Variants in FHDC1 observed in about 807,000 individuals in gnomAD.
FHDC1 encodes the protein FH2 domain-containing protein 1.
A neutral mutation model predicts 52.6 loss-of-function variants in FHDC1; 25 were observed. The ratio of observed to expected loss-of-function variants is 0.48; its 90% CI spans 0.35 to 0.66. The LOEUF (loss-of-function observed/expected upper bound fraction) is 0.66, where lower values mean the gene tolerates loss of function less well. Among genes scored for constraint, FHDC1 ranks in the 30% least tolerant of loss-of-function variants. The pLI, the probability that FHDC1 is intolerant of heterozygous loss-of-function variation, is 0.01. For synonymous variants in FHDC1, 616 were observed against 581.5 expected, an observed-to-expected ratio of 1.06 and a Z score of -0.85; for missense variants, 1,459 against 1,452.8, an observed-to-expected ratio of 1.00 and a Z score of -0.07.
the FHDC1 span, chr4:152,927,412 C>T: frequency 3.2e-5 from 25 of 779,784 alleles, no homozygotes; most frequent in Non-Finnish European, 5.5e-5. Flanking sequence ...GTTTATTTTG[C>T]CGGGACTCTA....
At position 152,976,967 on chromosome 4, in the gene FHDC1, C is replaced by A; in HGVS notation, c.*244C>A. 2.8e-6 allele frequency: 1 copy of A among 351,004 alleles called. No individual in the cohort carries two copies. 21.7% of individuals were successfully genotyped at this position (351,004 alleles called of 1,614,324 possible). ...CACTACTGTGACGGCCGCACCTCCC[C>A]CATGCACCCCACCCTCCCCCAAAGC... On this transcript the variant is annotated 3_prime_UTR_variant, in exon 12 of 12. Coordinates refer to ENST00000511601, the MANE Select transcript of FHDC1 (RefSeq NM_001371116.1).
intron 9 of FHDC1, among the ~76,000 whole-genome samples, chr4:152,965,390 G>A (rs1458839735): frequency 6.6e-6 from 1 of 152,128 alleles, no homozygotes; most frequent in Non-Finnish European, 1.5e-5. Flanking sequence ...TGCATTAAAA[G>A]AGTTTGTAAC....
At position 152,975,070 on chromosome 4, in the gene FHDC1, C is replaced by A. The variant is rs776695005; in HGVS notation, c.1779C>A (p.His593Gln). 1.2e-6 allele frequency: 2 copies of A among 1,612,306 alleles called. No individual in the cohort carries two copies. The highest frequency in any genetic ancestry group is 1.7e-6 in the Non-Finnish European group (2 of 1,179,688). Residue 593 changes from histidine (H) to glutamine (Q), a missense_variant, in exon 12 of 12, where the codon CAC becomes CAA. Physicochemically the swap from His to Gln is conservative, Grantham distance 24. Around this residue, in one of 3 missense-constraint regions of FHDC1, gnomAD observed 939 missense variants for 854.5 expected, o/e 1.10. Transcript: ENST00000511601. ...GCCTGGAGCCTGCAGAAGTGAGGCACCAGGACTCCAGCTTTGCACACAAAC... is the reference window on the plus strand; with the variant it reads ...GCCTGGAGCCTGCAGAAGTGAGGCAACAGGACTCCAGCTTTGCACACAAAC... The part of the protein sequence containing the change: ...IACLEPAEVR[H>Q]QDSSFAHKPQ...
chr4:152,978,212 CTG>C lies in FHDC1; in HGVS notation c.*1490_*1491del, dbSNP rs1740959697. The C allele has an allele frequency of 1.3e-5, 2 of 152,220 alleles. No homozygotes were observed. The highest frequency in any genetic ancestry group is 4.8e-5 in the African/African-American group (2 of 41,438). 9.4% of individuals were successfully genotyped at this position (152,220 alleles called of 1,614,324 possible). A position where few individuals can be genotyped will look rare whatever the true frequency, so the allele number is the denominator to read the frequency against. ...CTCCATTCGTGTGTCTGTTATAAAACTGAGTGAAGGCTGCTATGACCTGTGTT... is the reference window on the plus strand; with the variant it reads ...CTCCATTCGTGTGTCTGTTATAAAACAGTGAAGGCTGCTATGACCTGTGTT... On this transcript the variant is annotated 3_prime_UTR_variant, in exon 12 of 12. Coordinates refer to ENST00000511601, the MANE Select transcript of FHDC1 (RefSeq NM_001371116.1).
intron 4 of FHDC1, among the ~76,000 whole-genome samples, chr4:152,957,917 A>G (rs1338811824): frequency 2.0e-5 from 3 of 150,458 alleles, no homozygotes; most frequent in East Asian, 3.9e-4. Context: ...CAAGCCAGGG[A>G]ACACCCCCAC....
At chr4:152,925,288 G>A in the FHDC1 span, among the ~76,000 whole-genome samples, 5 of 152,082 alleles carry the variant, frequency 3.3e-5, no homozygotes, top group African/African-American at 7.2e-5. Context: ...ACACATAAAT[G>A]CGTAGATGTA....
rs996676675 is a variant in FHDC1 at position 152,943,051 on chromosome 4, C to T, written c.-7C>T. 10 of 1,604,510 alleles carry T rather than the reference C, an allele frequency of 6.2e-6. No homozygotes were observed. Among genetic ancestry groups the T allele is most frequent in the Non-Finnish European group, 7.7e-6 (9 of 1,174,326 alleles). ...AAGAAATTATCTCCATAGGAGGCAA[C>T]AGTACTATGCATGTTATGAATTGTG... is the stretch of plus-strand genomic sequence containing the variant. On this transcript the variant is annotated 5_prime_UTR_variant, in exon 2 of 12. It introduces an in-frame stop codon into an upstream open reading frame of the 5' UTR. Transcript: ENST00000511601.
At chr4:152,925,084 C>T in the FHDC1 span, among the ~76,000 whole-genome samples, 1 of 151,338 alleles carries the variant, frequency 6.6e-6, no homozygotes, top group Non-Finnish European at 1.5e-5. Context: ...GGAGCCGTTT[C>T]TAATTTCTAG....
chr4:152,972,225 C>T, intron 10 of FHDC1, 152 bp from the exon 11 acceptor site: 1 of 703,496 alleles, frequency 1.4e-6, no homozygotes, highest in Non-Finnish European at 2.2e-6. Context: ...TTCCTTTTGG[C>T]TCTGATTGCA....
In FHDC1 at chr4:152,975,443, A is replaced by C. The variant is rs747653331; in HGVS notation, c.2152A>C (p.Ser718Arg). The C allele has an allele frequency of 6.2e-7, 1 of 1,613,306 alleles. No homozygotes were observed. Among genetic ancestry groups the C allele is most frequent in the East Asian group, 2.2e-5 (1 of 44,884 alleles). ...GGGGCATAGGGGCCCGCAGTCCCTC[A>C]GTGCCAGCAGCAGCAGCCTGACACC... is the stretch of plus-strand genomic sequence containing the variant. ...SVGHRGPQSL[S>R]ASSSSLTPMG... is the part of the protein sequence containing the mutation. The change falls in exon 12 of 12, where the codon AGT (serine) becomes CGT (arginine). Residue 718 changes from serine (S) to arginine (R), a missense_variant. This residue lies in a region of FHDC1 where 939 missense variants were observed against 854.5 expected (regional missense o/e 1.10). Coordinates refer to ENST00000511601, the MANE Select transcript of FHDC1 (RefSeq NM_001371116.1).
chr4:152,968,037 A>G lies in FHDC1; in HGVS notation c.1158A>G (p.Ser386=). The G allele has an allele frequency of 6.2e-7, 1 of 1,614,026 alleles. No homozygotes were observed. The highest frequency in any genetic ancestry group is 2.2e-5 in the East Asian group (1 of 44,868). ...ELHLLFVRTK[S]LKENIQRDGE... ...ACTTGCTGTTTGTCAGGACAAAATCACTAAAAGAAAACATCCAGCGGGATG... is the reference window on the plus strand; with the variant it reads ...ACTTGCTGTTTGTCAGGACAAAATCGCTAAAAGAAAACATCCAGCGGGATG... Residue 386 remains serine, a synonymous_variant, in exon 10 of 12, where the codon TCA becomes TCG. Transcript: ENST00000511601.
intron 2 of FHDC1, among the ~76,000 whole-genome samples, chr4:152,951,241 G>A (rs957477334): frequency 2.6e-5 from 4 of 152,180 alleles, no homozygotes; most frequent in Admixed American, 2.6e-4. Flanking sequence ...CTTATGCATG[G>A]CCTTTTAATT....
At chr4:152,924,920 T>C in the FHDC1 span, among the ~76,000 whole-genome samples, 2 of 149,376 alleles carry the variant, frequency 1.3e-5, no homozygotes, top group African/African-American at 4.9e-5. Context: ...TAATGATGAG[T>C]TAATGGGTGC....
chr4:152,974,952 T>C lies in FHDC1; in HGVS notation c.1661T>C (p.Phe554Ser). Residue 554 changes from phenylalanine (F) to serine (S), a missense_variant, in exon 12 of 12, where the codon TTC (phenylalanine) becomes TCC (serine). Phe to Ser is a radical substitution (Grantham distance 155, BLOSUM62 -2). Around this residue, in one of 3 missense-constraint regions of FHDC1, gnomAD observed 939 missense variants for 854.5 expected, o/e 1.10. Coordinates refer to ENST00000511601, the MANE Select transcript of FHDC1 (RefSeq NM_001371116.1). ...GPSADRELLT[F>S]LESSTGSPEE... ...TCTGCTGACCGGGAGCTGCTGACCT[T>C]CTTGGAGAGCTCCACCGGCAGCCCT... 1 of 1,612,330 alleles carries C rather than the reference T, an allele frequency of 6.2e-7. No homozygotes were observed.
intron 1 of FHDC1, among the ~76,000 whole-genome samples, chr4:152,937,753 C>T (rs907318680): frequency 6.6e-6 from 1 of 152,036 alleles, no homozygotes; most frequent in Non-Finnish European, 1.5e-5. Flanking sequence ...CCCTTCTGCC[C>T]GGCGCTGATA....
the FHDC1 span, among the ~76,000 whole-genome samples, chr4:152,930,989 ACACACACACTCTCT>A: frequency 6.8e-6 from 1 of 146,140 alleles, no homozygotes; most frequent in African/African-American, 2.6e-5. Flanking sequence ...ACACACACAC[ACACACACACTCTCT>A]CTCTCTCTCT....
chr4:152,966,708 C>T (rs531351320), intron 9 of FHDC1, among the ~76,000 whole-genome samples: 4 of 152,278 alleles, frequency 2.6e-5, no homozygotes, highest in East Asian at 3.9e-4. Flanking sequence ...GTGATCTGCC[C>T]GCCCCACCCT....
chr4:152,975,448 C>T lies in FHDC1; in HGVS notation c.2157C>T (p.Ala719=). 6.2e-7 allele frequency: 1 copy of T among 1,613,002 alleles called. No individual in the cohort carries two copies. Among genetic ancestry groups the T allele is most frequent in the Non-Finnish European group, 8.5e-7 (1 of 1,179,886 alleles). Residue 719 remains alanine, a synonymous_variant, in exon 12 of 12, where the codon GCC becomes GCT. Coordinates refer to ENST00000511601, the MANE Select transcript of FHDC1 (RefSeq NM_001371116.1). ...VGHRGPQSLS[A]SSSSLTPMGR... The stretch of plus-strand genomic sequence containing the variant: ...ATAGGGGCCCGCAGTCCCTCAGTGC[C>T]AGCAGCAGCAGCCTGACACCCATGG...
chr4:152,926,305 A>ACACACACACAC, the FHDC1 span, among the ~76,000 whole-genome samples: 1 of 112,974 alleles, frequency 8.9e-6, no homozygotes, highest in Non-Finnish European at 2.0e-5. Context: ...CACACACACA[A>ACACACACACAC]ACAATACACA....
Sources: gnomAD v4.1 joint callset for allele counts (sites outside exome capture counted in the v4.1 genomes callset) on GRCh38, gnomAD v4.1.1 for gene constraint, gnomAD v4.1.1 regional missense constraint, MANE v1.5 for transcripts, NCBI Gene and HGNC (gene_info 2026-07-23, HGNC 2026-07-21) for gene names.